The following KLHL5 variants were observed in gnomAD, a reference collection of about 807,000 sequenced individuals.
KLHL5 encodes the protein kelch like family member 5.
KLHL5 carries 48 observed loss-of-function variants against 77.7 expected under a neutral mutation model. The observed-to-expected ratio is 0.62, with a 90% CI of 0.49 to 0.79. The LOEUF (loss-of-function observed/expected upper bound fraction) is 0.79, where lower values mean the gene tolerates loss of function less well. Among genes scored for constraint, KLHL5 ranks in the 30% least tolerant of loss-of-function variants. The pLI is 0.00. For synonymous variants in KLHL5, 260 were observed against 297.0 expected (o/e 0.88, Z 1.28); for missense variants, 723 against 859.7 (o/e 0.84, Z 1.99).
rs1414504234 is a variant in KLHL5, at chr4:39,121,278, G to C, written c.*212G>C. The C allele has an allele frequency of 7.0e-6, 4 of 569,820 alleles. No homozygotes were observed. Among genetic ancestry groups the C allele is most frequent in the African/African-American group, 5.6e-5 (3 of 53,340 alleles). 35.3% of individuals were successfully genotyped at this position (569,820 alleles called of 1,614,324 possible). A position where few individuals can be genotyped will look rare whatever the true frequency, so the allele number is the denominator to read the frequency against. ...ATTTCTTAGTAAATTAAAACCTGCA[G>C]CTGGTGGATTGTGATCACACATTCC... On this transcript the variant is annotated 3_prime_UTR_variant, in exon 11 of 11. Transcript: ENST00000504108.
At chr4:39,093,938 C>T (rs13353763) in intron 5 of KLHL5, among the ~76,000 whole-genome samples, 2,676 of 152,044 alleles carry the variant, frequency 0.018, 80 homozygotes, top group African/African-American at 0.06. Flanking sequence ...TCTATATTAT[C>T]TTTATTGAAT....
intron 9 of KLHL5, among the ~76,000 whole-genome samples, chr4:39,113,617 C>T (rs758532804): frequency 2.0e-5 from 3 of 152,208 alleles, no homozygotes; most frequent in Non-Finnish European, 4.4e-5. Flanking sequence ...GTCATCCCAA[C>T]TGGCCTCACA....
At chr4:39,107,331 A>T (rs1722115719) in intron 7 of KLHL5, among the ~76,000 whole-genome samples, 1 of 151,496 alleles carries the variant, frequency 6.6e-6, no homozygotes, top group African/African-American at 2.4e-5. Flanking sequence ...TACAGGCATA[A>T]GTCACCGTGC....
At chr4:39,093,388 T>A (rs1259197516) in intron 5 of KLHL5, 1 of 455,656 alleles carries the variant, frequency 2.2e-6, no homozygotes, top group African/African-American at 2.0e-5. Flanking sequence ...CTAATTGAGG[T>A]GATGAAAATG....
rs1192702165 is a variant in KLHL5 at position 39,081,577 on chromosome 4, G to T, written c.703+338G>T. ...CACTTCGGGAAGCCAAGGCAGGACG[G>T]ATGATCGCTTGAGCCCAGGAGTTCG... On this transcript the variant is annotated intron_variant, in intron 3 of 10. Transcript: ENST00000504108. The surrounding 1 kb of genome is among the most constrained non-coding windows in gnomAD (Gnocchi z 4.3). Among the ~76,000 whole-genome samples, 1 of 151,870 alleles carries T rather than the reference G, an allele frequency of 6.6e-6. No homozygotes were observed. The highest frequency in any genetic ancestry group is 1.5e-5 in the Non-Finnish European group (1 of 68,014).
At chr4:39,065,783 A>G (rs1221794531) in intron 1 of KLHL5, among the ~76,000 whole-genome samples, 2 of 152,204 alleles carry the variant, frequency 1.3e-5, no homozygotes, top group Admixed American at 1.3e-4. Flanking sequence ...TGTTAGACAT[A>G]ATGAAGAAAT....
downstream of KLHL5, chr4:39,126,808 T>C (rs1487827840): frequency 9.1e-6 from 4 of 441,548 alleles, no homozygotes; most frequent in Non-Finnish European, 1.8e-5. Context: ...TGCCCTATTA[T>C]CTAAAGCCGG....
At chr4:39,091,757 A>G (rs984589727) in intron 5 of KLHL5, among the ~76,000 whole-genome samples, 6 of 151,226 alleles carry the variant, frequency 4.0e-5, no homozygotes, top group African/African-American at 1.5e-4. Context: ...TGCAGCCTCA[A>G]ACTCCTGGGC....
intron 1 of KLHL5, among the ~76,000 whole-genome samples, chr4:39,065,992 A>C (rs1051224989): frequency 2.0e-5 from 3 of 152,166 alleles, no homozygotes; most frequent in African/African-American, 7.2e-5. Context: ...ATGTTTTATC[A>C]ATTGTATTCT....
At position 39,112,938 on chromosome 4, in the gene KLHL5, A is replaced by C. The variant is rs991301818; in HGVS notation, c.1689-82A>C. 31 of 1,219,552 alleles carry C rather than the reference A, an allele frequency of 2.5e-5. No individual in the cohort carries two copies. The African/African-American group carries it at 4.1e-4, about 16-fold the overall frequency. The allele number at this position is 1,219,552 out of a possible 1,614,324, so 75.5% of individuals were successfully genotyped here. On this transcript the variant is annotated intron_variant, in intron 8 of 10. Coordinates refer to ENST00000504108, the MANE Select transcript of KLHL5 (RefSeq NM_015990.5). ...AACTGATGGCACCTTAAATTCAATG[A>C]GATAACAACATAAGAAGAGCCTCTT...
chr4:39,091,125 A>T (rs1720508468), intron 5 of KLHL5, among the ~76,000 whole-genome samples: 1 of 151,240 alleles, frequency 6.6e-6, no homozygotes, highest in Admixed American at 6.6e-5. Context: ...AGTAGCTGGG[A>T]TTACAGGCGC....
At chr4:39,058,423 C>T (rs1024299714), upstream of KLHL5, among the ~76,000 whole-genome samples, 2 of 151,998 alleles carry the variant, frequency 1.3e-5, no homozygotes, top group Admixed American at 6.6e-5. Flanking sequence ...CTCAGGAATT[C>T]GAGACCAGCC....
At chr4:39,127,469 A>G (rs1723601265), downstream of KLHL5, among the ~76,000 whole-genome samples, 1 of 152,114 alleles carries the variant, frequency 6.6e-6, no homozygotes, top group African/African-American at 2.4e-5. Context: ...TTGTTTTGAG[A>G]CAGGGTCTTG....
Position 39,079,827 on chromosome 4 carries a change from AAATG to A in KLHL5, c.567-1255_567-1252del, listed in dbSNP as rs529516918. ...GGACACACATCAGTATTTGTTCATT[AAATG>A]AATGAATGAATGAATGAATGGGCAG... On this transcript the variant is annotated intron_variant, in intron 2 of 10. Transcript: ENST00000504108. Among the ~76,000 whole-genome samples, 405 of 152,300 alleles carry A rather than the reference AAATG, an allele frequency of 2.7e-3. 1 individual carries two copies. The highest frequency in any genetic ancestry group is 4.4e-3 in the Non-Finnish European group (299 of 68,024).
rs772947807 is a variant in KLHL5 at position 39,075,979 on chromosome 4, G to C, written c.398G>C (p.Ser133Thr). 1.2e-6 allele frequency: 2 copies of C among 1,609,520 alleles called. No individual in the cohort carries two copies. Among genetic ancestry groups the C allele is most frequent in the Admixed American group, 3.4e-5 (2 of 59,222 alleles). ...TTTCTTTTCAGGACTTCCAATAGTA[G>C]TCAGACATTATCATCCTGTCATACT... ...DSSSCRTSNS[S>T]QTLSSCHTME... The change falls in exon 2 of 11, where the codon AGT becomes ACT. Residue 133 changes from serine to threonine, a missense_variant. This residue lies in a region of KLHL5 where 221 missense variants were observed against 222.1 expected (regional missense o/e 1.00). Transcript: ENST00000504108.
downstream of KLHL5, among the ~76,000 whole-genome samples, chr4:39,126,300 A>T (rs904002047): frequency 2.0e-5 from 3 of 152,204 alleles, no homozygotes; most frequent in African/African-American, 7.2e-5. Context: ...TGCCATGAAA[A>T]ATTACAGGCT....
intron 1 of KLHL5, among the ~76,000 whole-genome samples, chr4:39,048,888 T>A (rs1370028926): frequency 6.6e-6 from 1 of 152,052 alleles, no homozygotes; most frequent in Admixed American, 6.6e-5. Flanking sequence ...ATGATCCACC[T>A]GCCTCAGCCT....
intron 1 of KLHL5, chr4:39,063,609 C>T: frequency 2.3e-6 from 1 of 442,676 alleles, no homozygotes; most frequent in South Asian, 1.6e-5. Flanking sequence ...AGTAACATGT[C>T]TCTAAGATGA....
chr4:39,053,639 T>G (rs549723181), intron 1 of KLHL5, among the ~76,000 whole-genome samples: 11 of 151,906 alleles, frequency 7.2e-5, no homozygotes, highest in Non-Finnish European at 1.5e-4. Context: ...ATCTAAGGAG[T>G]GGATAGCAAG....
Sources: gnomAD v4.1 joint callset for allele counts (sites outside exome capture counted in the v4.1 genomes callset) on GRCh38, gnomAD v4.1.1 for gene constraint, gnomAD v4.1.1 regional missense constraint, Gnocchi (gnomAD v3.1) non-coding constraint, MANE v1.5 for transcripts, NCBI Gene and HGNC (gene_info 2026-07-23, HGNC 2026-07-21) for gene names.